Variants in SLC1A3 observed in about 807,000 individuals in gnomAD.
The protein encoded by SLC1A3 is solute carrier family 1 member 3.
Under a neutral mutation model 48.1 loss-of-function variants are expected in SLC1A3, and 21 were observed. The ratio of observed to expected loss-of-function variants is 0.44; its 90% confidence interval spans 0.31 to 0.63. SLC1A3 has a LOEUF of 0.63. Among genes scored for constraint, SLC1A3 ranks in the 20% least tolerant of loss-of-function variants. The pLI, the probability that SLC1A3 is intolerant of heterozygous loss-of-function variation, is 0.08. For synonymous variants in SLC1A3, 239 were observed against 251.4 expected, an observed-to-expected ratio of 0.95 and a Z score of 0.47; for missense variants, 546 against 689.0, an observed-to-expected ratio of 0.79 and a Z score of 2.32.
intron 3 of SLC1A3, among the ~76,000 whole-genome samples, chr5:36,655,876 A>C (rs1240242211): frequency 6.6e-6 from 1 of 152,218 alleles, no homozygotes; most frequent in Admixed American, 6.5e-5. Flanking sequence ...GTTCACTACA[A>C]TCAAGTTTCC....
In SLC1A3 at chr5:36,609,071, G is replaced by A. The variant is rs185253253; in HGVS notation, c.181+467G>A. On this transcript the variant is annotated intron_variant, in intron 2 of 9. Coordinates refer to ENST00000265113, the MANE Select transcript of SLC1A3 (RefSeq NM_004172.5). ...CTTGAAGCTGAGTATCAACGCTTAG[G>A]CACAGAGACCGAATATTTTATGTGT... The A allele has an allele frequency of 7.1e-6, 7 of 988,916 alleles. No individual in the cohort carries two copies. The African/African-American group carries it at 1.0e-4, about 15-fold the overall frequency. The allele number at this position is 988,916 out of a possible 1,614,324, so 61.3% of individuals were successfully genotyped here. A position where few individuals can be genotyped will look rare whatever the true frequency, so the allele number is the denominator to read the frequency against.
At chr5:36,653,537 A>G (rs1274209050) in intron 3 of SLC1A3, among the ~76,000 whole-genome samples, 2 of 152,180 alleles carry the variant, frequency 1.3e-5, no homozygotes, top group Non-Finnish European at 2.9e-5. Flanking sequence ...TTCTTTCTAG[A>G]TGAGCTTTTA....
At chr5:36,596,848 T>C (rs1339177900) in intron 1 of SLC1A3, among the ~76,000 whole-genome samples, 1 of 152,234 alleles carries the variant, frequency 6.6e-6, no homozygotes, top group East Asian at 1.9e-4. Flanking sequence ...TCTATTGCCC[T>C]TTAAGACAGG....
intron 3 of SLC1A3, among the ~76,000 whole-genome samples, chr5:36,631,631 C>T (rs3776566): frequency 0.15 from 22,733 of 152,182 alleles, 2,731 homozygotes; most frequent in African/African-American, 0.33. Flanking sequence ...AGTTTTAGCT[C>T]TTGTCCAGGA....
rs368269219 is a variant in SLC1A3, at chr5:36,629,474, G to A, written c.206G>A (p.Arg69Gln). ...GGTACAATCCTTGGATTTACCCTCCGACCATACAGAATGAGCTACCGGGAA... is the reference window on the plus strand; with the variant it reads ...GGTACAATCCTTGGATTTACCCTCCAACCATACAGAATGAGCTACCGGGAA... ...IVGTILGFTL[R>Q]PYRMSYREVK... The change falls in exon 3 of 10, where the codon CGA becomes CAA. Residue 69 changes from arginine (R) to glutamine (Q), a missense_variant. Arg to Gln is a conservative substitution (Grantham distance 43). This residue lies in a region of SLC1A3 where 348 missense variants were observed against 392.0 expected (regional missense o/e 0.89). Coordinates refer to ENST00000265113, the MANE Select transcript of SLC1A3 (RefSeq NM_004172.5). The A allele has an allele frequency of 1.9e-5, 31 of 1,597,566 alleles. No homozygotes were observed. The highest frequency in any genetic ancestry group is 1.7e-4 in the Middle Eastern group (1 of 6,036).
chr5:36,617,050 AT>A (rs1395207546), intron 2 of SLC1A3, among the ~76,000 whole-genome samples: 23 of 152,202 alleles, frequency 1.5e-4, no homozygotes, highest in Non-Finnish European at 1.0e-4. Flanking sequence ...GGAGCTTGTC[AT>A]CTTTGCAGAG....
intron 8 of SLC1A3, among the ~76,000 whole-genome samples, chr5:36,681,623 G>C (rs1192939889): frequency 1.3e-5 from 2 of 152,164 alleles, no homozygotes; most frequent in African/African-American, 2.4e-5. Context: ...CTTCTGCAGA[G>C]GCAACCAGTG....
intron 2 of SLC1A3, among the ~76,000 whole-genome samples, chr5:36,615,984 T>C (rs546425063): frequency 1.3e-5 from 2 of 152,246 alleles, no homozygotes; most frequent in African/African-American, 4.8e-5. Context: ...GATTACTACG[T>C]CAGGAGTTCA....
intron 2 of SLC1A3, among the ~76,000 whole-genome samples, chr5:36,611,843 T>A (rs1489395569): frequency 6.6e-6 from 1 of 152,066 alleles, no homozygotes; most frequent in Non-Finnish European, 1.5e-5. Flanking sequence ...GTCTTTGTCA[T>A]GTTCAAGTCA....
intron 2 of SLC1A3, among the ~76,000 whole-genome samples, chr5:36,617,718 T>A (rs1434830971): frequency 6.6e-6 from 1 of 152,184 alleles, no homozygotes; most frequent in African/African-American, 2.4e-5. Flanking sequence ...GGGATATTAT[T>A]CCTTAGCACG....
intron 3 of SLC1A3, among the ~76,000 whole-genome samples, chr5:36,657,023 A>G (rs1416165404): frequency 6.6e-6 from 1 of 152,240 alleles, no homozygotes; most frequent in Non-Finnish European, 1.5e-5. Flanking sequence ...TAAAATAATT[A>G]TGCTGTTATT....
intron 3 of SLC1A3, among the ~76,000 whole-genome samples, chr5:36,636,940 G>A (rs997538184): frequency 2.6e-5 from 4 of 152,078 alleles, no homozygotes; most frequent in Admixed American, 2.0e-4. Context: ...TCTCAACTAC[G>A]AAGTCTGTCT....
At chr5:36,672,046 C>T (rs903990278) in intron 4 of SLC1A3, among the ~76,000 whole-genome samples, 35 of 152,120 alleles carry the variant, frequency 2.3e-4, no homozygotes, top group African/African-American at 6.5e-4. Context: ...AACCTACAAA[C>T]GATGGTAAGG....
chr5:36,622,941 G>A (rs1739739679), intron 2 of SLC1A3, among the ~76,000 whole-genome samples: 1 of 151,278 alleles, frequency 6.6e-6, no homozygotes, highest in African/African-American at 2.4e-5. Context: ...GAACCTGGGA[G>A]GCGGAGCTTG....
At chr5:36,611,314 C>A (rs1579943676) in intron 2 of SLC1A3, among the ~76,000 whole-genome samples, 1 of 144,292 alleles carries the variant, frequency 6.9e-6, no homozygotes, top group African/African-American at 2.5e-5. Flanking sequence ...CTGGGAAAAC[C>A]TATGTACTGG....
At chr5:36,673,003 CTG>C (rs1427875392) in intron 4 of SLC1A3, among the ~76,000 whole-genome samples, 2 of 152,156 alleles carry the variant, frequency 1.3e-5, no homozygotes, top group African/African-American at 2.4e-5. Flanking sequence ...CATCAGAAGA[CTG>C]TGTTTCTGCC....
At chr5:36,646,221 A>G (rs1457165428) in intron 3 of SLC1A3, among the ~76,000 whole-genome samples, 3 of 152,188 alleles carry the variant, frequency 2.0e-5, no homozygotes, top group Admixed American at 6.5e-5. Flanking sequence ...GACAGGACAG[A>G]TTATTGGTCT....
intron 3 of SLC1A3, among the ~76,000 whole-genome samples, chr5:36,657,050 A>T (rs1167972651): frequency 2.6e-5 from 4 of 152,240 alleles, no homozygotes; most frequent in Admixed American, 2.6e-4. Context: ...GCATATGAAT[A>T]ACTTCTGTTT....
chr5:36,637,164 T>A (rs1479519124), intron 3 of SLC1A3, among the ~76,000 whole-genome samples: 2 of 152,142 alleles, frequency 1.3e-5, no homozygotes, highest in Admixed American at 6.6e-5. Context: ...ATCCTGGTGC[T>A]CCAGATGTCA....
Sources: gnomAD v4.1 joint callset for allele counts (sites outside exome capture counted in the v4.1 genomes callset) on GRCh38, gnomAD v4.1.1 for gene constraint, gnomAD v4.1.1 regional missense constraint, MANE v1.5 for transcripts, NCBI Gene and HGNC (gene_info 2026-07-23, HGNC 2026-07-21) for gene names.